ATP10A: variants seen among roughly 807,000 people sequenced by gnomAD.
ATP10A encodes the protein ATPase phospholipid transporting 10A (putative).
Under a neutral mutation model 147.8 loss-of-function variants are expected in ATP10A, and 111 were observed. That is an observed-to-expected ratio of 0.75 (90% CI 0.64 to 0.88). The LOEUF is 0.88. ATP10A is among the 40% of genes least tolerant of loss of function. The pLI, the probability that ATP10A is intolerant of heterozygous loss-of-function variation, is 0.00. For synonymous variants in ATP10A, 875 were observed against 841.6 expected, an observed-to-expected ratio of 1.04 and a Z score of -0.69; for missense variants, 1,927 against 1,959.0, an observed-to-expected ratio of 0.98 and a Z score of 0.31.
At chr15:25,772,771 C>G (rs996318422) in intron 2 of ATP10A, among the ~76,000 whole-genome samples, 3 of 152,152 alleles carry the variant, frequency 2.0e-5, no homozygotes, top group African/African-American at 7.2e-5. Flanking sequence ...TCTCCGGAAC[C>G]CCAGGGAAGA....
chr15:25,832,710 TAAAC>T (rs1567417652), intron 1 of ATP10A, among the ~76,000 whole-genome samples: 20 of 152,310 alleles, frequency 1.3e-4, no homozygotes, highest in African/African-American at 4.8e-4. Flanking sequence ...TACTGGATAC[TAAAC>T]TACAGCTGGA....
intron 14 of ATP10A, among the ~76,000 whole-genome samples, chr15:25,694,413 C>T (rs1429594958): frequency 2.0e-5 from 3 of 152,196 alleles, no homozygotes; most frequent in Admixed American, 1.3e-4. Context: ...GCCTTGGACA[C>T]CCGGAGGCTC....
intron 15 of ATP10A, 135 bp from the exon 16 acceptor site, chr15:25,687,963 G>C (rs1899791990): frequency 2.4e-6 from 3 of 1,229,634 alleles, no homozygotes; most frequent in Non-Finnish European, 3.5e-6. Context: ...TGGCCGGCCA[G>C]GGTCTCCATC....
intron 7 of ATP10A, among the ~76,000 whole-genome samples, chr15:25,720,799 T>C (rs1400175390): frequency 2.0e-5 from 3 of 152,248 alleles, no homozygotes; most frequent in Admixed American, 1.3e-4. Context: ...TGATAATCCT[T>C]GGTTTTATAA....
chr15:25,728,064 G>C (rs72703778), intron 3 of ATP10A, among the ~76,000 whole-genome samples: 5,779 of 152,254 alleles, frequency 0.038, 139 homozygotes, highest in Middle Eastern at 0.065. Flanking sequence ...CCTAACCCAC[G>C]CCAGGCAGGG....
At chr15:25,839,379 T>C (rs1400691007) in intron 1 of ATP10A, among the ~76,000 whole-genome samples, 1 of 152,186 alleles carries the variant, frequency 6.6e-6, no homozygotes, top group Admixed American at 6.5e-5. Context: ...CCAAGTCTCC[T>C]TAGAGGCCAG....
chr15:25,831,239 AC>A lies in ATP10A; in HGVS notation c.449+31408del, dbSNP rs60820316. 8.0e-3 allele frequency among the ~76,000 whole-genome samples: 1,213 copies of A among 152,100 alleles called. 10 individuals carry two copies. Among genetic ancestry groups the A allele is most frequent in the African/African-American group, 0.028 (1,157 of 41,480 alleles). ...GTGGCTCGGGGGCCTCGGGGGCTCC[AC>A]CCCGTATGAGATTCTCTCCCCGCTG... On this transcript the variant is annotated intron_variant, in intron 1 of 20. Transcript: ENST00000555815.
Position 25,679,477 on chromosome 15 carries a change from T to A in ATP10A, c.4364A>T (p.Gln1455Leu). 1 of 1,614,002 alleles carries A rather than the reference T, an allele frequency of 6.2e-7. No individual in the cohort carries two copies. Among genetic ancestry groups the A allele is most frequent in the Non-Finnish European group, 8.5e-7 (1 of 1,179,968 alleles). ...TGCAAGCTGCTCCGTCCGGGAGAAC[T>A]GTAAGACACTCCCCAGCCTGCTGAC... Reference protein sequence around the residue: ...SLVSRLGSVLQFSRTEQLADG... With the variant: ...SLVSRLGSVLLFSRTEQLADG... Residue 1455 changes from glutamine to leucine, a missense_variant, in exon 21 of 21, where the codon CAG (glutamine) becomes CTG (leucine). Physicochemically the swap from Gln to Leu is moderately radical, Grantham distance 113. Transcript: ENST00000555815.
chr15:25,687,827 G>A lies in ATP10A; in HGVS notation c.3167C>T (p.Ala1056Val), dbSNP rs1899781090. ...VGISGQEGMQAVMASDFAVPK... is the reference protein window; with the variant it reads ...VGISGQEGMQVVMASDFAVPK... The stretch of plus-strand genomic sequence containing the variant: ...CACTGCAAAGTCGCTGGCCATCACT[G>A]CCTTCAAAGGGAGAGGGATTCCTGT... Residue 1056 changes from alanine (A) to valine (V), a missense_variant and splice_region_variant, in exon 16 of 21, where the codon GCA becomes GTA. Transcript: ENST00000555815. 11 of 1,613,746 alleles carry A rather than the reference G, an allele frequency of 6.8e-6. No homozygotes were observed. The highest frequency in any genetic ancestry group is 8.5e-6 in the Non-Finnish European group (10 of 1,179,854).
At chr15:25,737,958 T>C (rs984755919) in intron 2 of ATP10A, among the ~76,000 whole-genome samples, 2 of 152,174 alleles carry the variant, frequency 1.3e-5, no homozygotes, top group Non-Finnish European at 2.9e-5. Flanking sequence ...CTTCCAGACC[T>C]GTGAGAAAAT....
chr15:25,700,241 G>T (rs1288440738), intron 13 of ATP10A, among the ~76,000 whole-genome samples: 1 of 152,174 alleles, frequency 6.6e-6, no homozygotes, highest in African/African-American at 2.4e-5. Context: ...AATGCGAAGT[G>T]CTGGAAAAGA....
chr15:25,700,776 T>C (rs1486105263), intron 13 of ATP10A, among the ~76,000 whole-genome samples: 2 of 152,120 alleles, frequency 1.3e-5, no homozygotes, highest in Admixed American at 1.3e-4. Context: ...TATACAGATC[T>C]ATGCACGTGT....
chr15:25,742,974 G>T (rs1271995084), intron 2 of ATP10A, among the ~76,000 whole-genome samples: 3 of 152,226 alleles, frequency 2.0e-5, no homozygotes, highest in African/African-American at 7.2e-5. Flanking sequence ...GATGGTGTGA[G>T]CAGAGGCACG....
intron 1 of ATP10A, among the ~76,000 whole-genome samples, chr15:25,845,113 C>T (rs1233503347): frequency 6.6e-6 from 1 of 152,214 alleles, no homozygotes. Flanking sequence ...GACCTCGCCT[C>T]TCACAGAGCC....
At chr15:25,685,522 T>C (rs1484680195) in intron 16 of ATP10A, among the ~76,000 whole-genome samples, 2 of 152,190 alleles carry the variant, frequency 1.3e-5, no homozygotes, top group African/African-American at 2.4e-5. Context: ...TCACAGGCTT[T>C]GCTTTGTTTT....
At chr15:25,771,364 G>A (rs1889326012) in intron 2 of ATP10A, among the ~76,000 whole-genome samples, 1 of 152,112 alleles carries the variant, frequency 6.6e-6, no homozygotes, top group African/African-American at 2.4e-5. Context: ...GAGCCCAGGA[G>A]TTCAAGAGAA....
intron 20 of ATP10A, 64 bp from the exon 21 acceptor site, chr15:25,680,038 G>C: frequency 6.3e-7 from 1 of 1,578,902 alleles, no homozygotes; most frequent in Middle Eastern, 1.9e-4. Flanking sequence ...TGAGCTTCCA[G>C]AGACCCACAT....
At chr15:25,820,258 A>T (rs1290369847) in intron 1 of ATP10A, among the ~76,000 whole-genome samples, 1 of 152,222 alleles carries the variant, frequency 6.6e-6, no homozygotes, top group Non-Finnish European at 1.5e-5. Flanking sequence ...GGGTTTGTCC[A>T]CGGAAGGTAG....
intron 7 of ATP10A, among the ~76,000 whole-genome samples, chr15:25,719,123 G>A (rs1001056283): frequency 6.6e-5 from 10 of 152,158 alleles, no homozygotes; most frequent in African/African-American, 2.4e-4. Context: ...CACCGTGGAT[G>A]AGCAAAATGG....
Sources: allele counts gnomAD v4.1 joint callset (sites outside exome capture counted in the v4.1 genomes callset), GRCh38; gene constraint gnomAD v4.1.1; transcripts MANE v1.5; gene names NCBI Gene and HGNC (gene_info 2026-07-23, HGNC 2026-07-21).